The following ABCG1 variants were observed in gnomAD, a reference collection of about 807,000 sequenced individuals.
The protein encoded by ABCG1 is ATP-binding cassette sub-family G member 1.
Under a neutral mutation model 69.2 loss-of-function variants are expected in ABCG1, and 29 were observed. That is an observed-to-expected ratio of 0.42 (90% confidence interval 0.31 to 0.57). ABCG1 has a LOEUF of 0.57. Ranked by LOEUF, ABCG1 falls within the 20% of genes least tolerant of loss-of-function variation. ABCG1 has a pLI of 0.15. For missense variants in ABCG1, 718 were observed against 898.1 expected, an observed-to-expected ratio of 0.80 and a Z score of 2.56; for synonymous variants, 370 against 374.8, an observed-to-expected ratio of 0.99 and a Z score of 0.15.
At chr21:42,216,514 G>T (rs1297948876), upstream of ABCG1, among the ~76,000 whole-genome samples, 2 of 152,172 alleles carry the variant, frequency 1.3e-5, no homozygotes, top group East Asian at 1.9e-4. Context: ...GCCCATCAGG[G>T]TTTGGCAACC....
intron 1 of ABCG1, among the ~76,000 whole-genome samples, chr21:42,200,951 G>A (rs1053543361): frequency 6.6e-6 from 1 of 151,974 alleles, no homozygotes; most frequent in Non-Finnish European, 1.5e-5. Flanking sequence ...CTTACGTCCC[G>A]AGGTACATGT....
chr21:42,284,557 C>T lies in ABCG1; in HGVS notation c.735-3C>T, dbSNP rs957504145. On this transcript the variant is annotated splice_region_variant and splice_polypyrimidine_tract_variant and intron_variant, in intron 6 of 14. Coordinates refer to ENST00000398449, the MANE Select transcript of ABCG1 (RefSeq NM_016818.3). Reference sequence around the variant, plus strand: ...GCGTCTCACGGTGCCTCTTGACTTGCAGCGGCCTGGACAGCGCCTCCTGCT... The same window carrying T: ...GCGTCTCACGGTGCCTCTTGACTTGTAGCGGCCTGGACAGCGCCTCCTGCT... 4.3e-6 allele frequency: 7 copies of T among 1,612,610 alleles called. No individual in the cohort carries two copies. Among genetic ancestry groups the T allele is most frequent in the Non-Finnish European group, 5.9e-6 (7 of 1,179,942 alleles).
At chr21:42,207,737 G>A (rs1416381998) in intron 2 of ABCG1, among the ~76,000 whole-genome samples, 2 of 152,206 alleles carry the variant, frequency 1.3e-5, no homozygotes, top group Non-Finnish European at 2.9e-5. Flanking sequence ...CACTGGATGG[G>A]GGTTGAAGTT....
rs2298690 is a variant in ABCG1 at position 42,290,984 on chromosome 21, G to A, written c.1394-108G>A. On this transcript the variant is annotated intron_variant, in intron 11 of 14. Transcript: ENST00000398449. ...TTTGTTCAATCTCTCAGTGCCCTAGGCCAGAGCTGGGTTACCAGCCGCTCA... is the reference window on the plus strand; with the variant it reads ...TTTGTTCAATCTCTCAGTGCCCTAGACCAGAGCTGGGTTACCAGCCGCTCA... 1,385 of 777,726 alleles carry A rather than the reference G, an allele frequency of 1.8e-3. 32 individuals are homozygous for A. In the East Asian group the frequency reaches 0.03, roughly 17 times the overall value. The allele number at this position is 777,726 out of a possible 1,614,324, so 48.2% of individuals were successfully genotyped here. A position where few individuals can be genotyped will look rare whatever the true frequency, so the allele number is the denominator to read the frequency against.
At chr21:42,271,984 G>A (rs2068626362) in intron 3 of ABCG1, among the ~76,000 whole-genome samples, 1 of 152,190 alleles carries the variant, frequency 6.6e-6, no homozygotes, top group Non-Finnish European at 1.5e-5. Flanking sequence ...AGAAAACTTA[G>A]AATCTTTAGA....
intron 1 of ABCG1, among the ~76,000 whole-genome samples, chr21:42,201,360 A>G (rs1483440941): frequency 6.6e-6 from 1 of 152,056 alleles, no homozygotes; most frequent in Non-Finnish European, 1.5e-5. Flanking sequence ...CACTCCTATG[A>G]GAGTCTAATG....
intron 13 of ABCG1, among the ~76,000 whole-genome samples, 162 bp from the exon 14 acceptor site, chr21:42,294,380 C>T (rs985765953): frequency 4.6e-5 from 7 of 152,234 alleles, no homozygotes; most frequent in Non-Finnish European, 8.8e-5. Context: ...GGTGACCCCA[C>T]ACCTCGGGAA....
chr21:42,280,499 A>G (rs4148131), intron 5 of ABCG1, among the ~76,000 whole-genome samples: 31,140 of 152,218 alleles, frequency 0.2, 3,290 homozygotes, highest in South Asian at 0.3. Context: ...TGGAGCTACA[A>G]GTGGCCTTGC....
upstream of ABCG1, among the ~76,000 whole-genome samples, chr21:42,213,237 G>A (rs73905579): frequency 2.0e-5 from 3 of 152,328 alleles, no homozygotes; most frequent in South Asian, 2.1e-4. Context: ...AGGGTGCCGA[G>A]GTCTGGGGGA....
In ABCG1 at chr21:42,291,685, G is replaced by A. The variant is rs2069064847; in HGVS notation, c.1653+29G>A. On this transcript the variant is annotated intron_variant, in intron 13 of 14. Coordinates refer to ENST00000398449, the MANE Select transcript of ABCG1 (RefSeq NM_016818.3). The surrounding 1 kb of genome is among the most constrained non-coding windows in gnomAD (Gnocchi z 6.4). Reference sequence around the variant, plus strand: ...CCAGCCCAGGAGGCGCTAAGTGAGGGCATGACGGCTGGGCTTCCCTGAGCT... The same window carrying A: ...CCAGCCCAGGAGGCGCTAAGTGAGGACATGACGGCTGGGCTTCCCTGAGCT... 2 of 1,570,986 alleles carry A rather than the reference G, an allele frequency of 1.3e-6. No individual in the cohort carries two copies. The highest frequency in any genetic ancestry group is 1.8e-5 in the Admixed American group (1 of 55,818).
intron 1 of ABCG1, among the ~76,000 whole-genome samples, chr21:42,200,015 TA>T (rs1394755773): frequency 6.6e-6 from 1 of 152,252 alleles, no homozygotes; most frequent in Non-Finnish European, 1.5e-5. Context: ...ATCTGTGACC[TA>T]TACCAGTCAG....
chr21:42,243,719 C>G (rs2068088995), intron 2 of ABCG1, among the ~76,000 whole-genome samples: 1 of 151,912 alleles, frequency 6.6e-6, no homozygotes, highest in African/African-American at 2.4e-5. Flanking sequence ...GGCGCCCTGT[C>G]CAGACAGCGG....
At chr21:42,293,328 ACACCACACTACACACTACC>A (rs1336240352) in intron 13 of ABCG1, among the ~76,000 whole-genome samples, 2 of 141,810 alleles carry the variant, frequency 1.4e-5, no homozygotes, top group East Asian at 2.2e-4. Context: ...TACACACTAC[ACACCACACTACACACTACC>A]CACCACACAC....
At chr21:42,236,165 T>C (rs370179762) in intron 2 of ABCG1, among the ~76,000 whole-genome samples, 10 of 152,326 alleles carry the variant, frequency 6.6e-5, no homozygotes, top group African/African-American at 2.4e-4. Flanking sequence ...CCCTTGGGAA[T>C]CTGCAGCGTT....
intron 2 of ABCG1, among the ~76,000 whole-genome samples, chr21:42,235,398 C>T (rs1324406064): frequency 6.6e-6 from 1 of 152,100 alleles, no homozygotes; most frequent in Non-Finnish European, 1.5e-5. Context: ...GGTGTGTCCA[C>T]GAAAAGAGTC....
intron 2 of ABCG1, among the ~76,000 whole-genome samples, chr21:42,226,198 T>C (rs959924609): frequency 2.0e-5 from 3 of 152,232 alleles, no homozygotes; most frequent in Admixed American, 1.3e-4. Flanking sequence ...AGTGTGCCTG[T>C]TTCTGGCATG....
At chr21:42,292,671 A>ACACACCACACACGGTG (rs1449860441) in intron 13 of ABCG1, among the ~76,000 whole-genome samples, 1 of 150,066 alleles carries the variant, frequency 6.7e-6, no homozygotes, top group African/African-American at 2.5e-5. Flanking sequence ...CACACACACT[A>ACACACCACACACGGTG]CACACCACAC....
At position 42,219,363 on chromosome 21, in the gene ABCG1, A is replaced by G. The variant is rs1601342673; in HGVS notation, c.42+59A>G. 2.6e-6 allele frequency: 4 copies of G among 1,561,252 alleles called. No individual in the cohort carries two copies. In the East Asian group the frequency reaches 7.5e-5, roughly 29 times the overall value. On this transcript the variant is annotated intron_variant, in intron 1 of 14. Coordinates refer to ENST00000398449, the MANE Select transcript of ABCG1 (RefSeq NM_016818.3). This position sits in a 1 kb window ranked among gnomAD's most constrained non-coding sequence, Gnocchi z 5.3. Reference sequence around the variant, plus strand: ...GTTTTATTTTCAAGGAGAGCAGGAAACACACAAAGACTCGCAAGCTCGACC... The same window carrying G: ...GTTTTATTTTCAAGGAGAGCAGGAAGCACACAAAGACTCGCAAGCTCGACC...
intron 1 of ABCG1, among the ~76,000 whole-genome samples, chr21:42,225,009 G>A (rs1307171950): frequency 2.0e-5 from 3 of 151,640 alleles, no homozygotes; most frequent in African/African-American, 7.3e-5. Context: ...TGTGAGACCT[G>A]GAACACGGTC....
Sources: gnomAD v4.1 joint callset for allele counts (sites outside exome capture counted in the v4.1 genomes callset) on GRCh38, gnomAD v4.1.1 for gene constraint, Gnocchi (gnomAD v3.1) non-coding constraint, MANE v1.5 for transcripts, NCBI Gene and HGNC (gene_info 2026-07-23, HGNC 2026-07-21) for gene names.